POLR2D: variants seen among roughly 807,000 people sequenced by gnomAD.
POLR2D encodes DNA-directed RNA polymerase II subunit RPB4.
In POLR2D, 10 loss-of-function variants were observed where a neutral mutation model predicts 17.6. The observed-to-expected ratio is 0.57, with a 90% CI of 0.35 to 0.96. The LOEUF (loss-of-function observed/expected upper bound fraction) is 0.96. POLR2D is among the 40% of genes least tolerant of loss of function. POLR2D has a pLI of 0.02. For synonymous variants in POLR2D, 52 were observed against 60.2 expected (o/e 0.86, Z 0.63); for missense variants, 126 against 176.4 (o/e 0.71, Z 1.62).
intron 1 of POLR2D, chr2:127,856,895 G>C (rs906950663): frequency 1.3e-5 from 2 of 152,080 alleles, no homozygotes; most frequent in African/African-American, 4.8e-5. Flanking sequence ...AATTAGCCGG[G>C]TGTGGTGGTG....
In POLR2D at chr2:127,844,066, T is replaced by C. The variant is rs910348796; in HGVS notation, c.*4041A>G. 7.3e-6 allele frequency: 1 copy of C among 136,224 alleles called. No homozygotes were observed. The highest frequency in any genetic ancestry group is 2.9e-5 in the African/African-American group (1 of 34,784). The allele number at this position is 136,224 out of a possible 1,614,324, so 8.4% of individuals were successfully genotyped here. ...CTGCAGTGAACCTTAATCATGCCACTGCACTCCAGCCTGGGCGACAGAGCA... is the reference window on the plus strand; with the variant it reads ...CTGCAGTGAACCTTAATCATGCCACCGCACTCCAGCCTGGGCGACAGAGCA... On this transcript the variant is annotated 3_prime_UTR_variant, in exon 4 of 4. Transcript: ENST00000272645.
chr2:127,857,720 T>C (rs1690361754), intron 1 of POLR2D: 1 of 907,486 alleles, frequency 1.1e-6, no homozygotes, highest in Non-Finnish European at 1.4e-6. Flanking sequence ...GCTGGGCTCT[T>C]TTCCCTAGTG....
At chr2:127,850,552 A>T (rs1402399116) in intron 3 of POLR2D, 38 bp downstream of exon 3, 1 of 846,450 alleles carries the variant, frequency 1.2e-6, no homozygotes, top group South Asian at 1.5e-5. Flanking sequence ...GTAGGAATTT[A>T]TCCAGTATAC....
Position 127,855,802 on chromosome 2 carries a change from T to TACACACAC in POLR2D, c.73+2218_73+2225dup, listed in dbSNP as rs3836128. ...GTGAAGGCGCGCACACGCGCGCACA[T>TACACACAC]ACACACACACACACACACACAATTT... On this transcript the variant is annotated intron_variant, in intron 1 of 3. Transcript: ENST00000272645. Among the ~76,000 whole-genome samples, 49 of 151,310 alleles carry TACACACAC rather than the reference T, an allele frequency of 3.2e-4. No individual in the cohort carries two copies. In the East Asian group the frequency reaches 9.0e-3, roughly 28 times the overall value.
rs115408243 is a variant in POLR2D, at chr2:127,846,894, C to T, written c.*1213G>A. ...CTTCACATCCAGCCTGGGAAGTACA[C>T]AGGCGTCAAGGATGCTCATTTCAGA... On this transcript the variant is annotated 3_prime_UTR_variant, in exon 4 of 4. Transcript: ENST00000272645. 5.8e-3 allele frequency: 888 copies of T among 153,278 alleles called. 16 individuals carry two copies. The highest frequency in any genetic ancestry group is 0.02 in the African/African-American group (830 of 41,532). The allele number at this position is 153,278 out of a possible 1,614,324, so 9.5% of individuals were successfully genotyped here.
intron 1 of POLR2D, among the ~76,000 whole-genome samples, chr2:127,853,555 TTTTA>T (rs1348353637): frequency 6.7e-6 from 1 of 150,274 alleles, no homozygotes; most frequent in Non-Finnish European, 1.5e-5. Context: ...GATTTCGTTC[TTTTA>T]TTTTTTTTTT....
At chr2:127,856,370 A>C (rs1690330648) in intron 1 of POLR2D, among the ~76,000 whole-genome samples, 1 of 146,126 alleles carries the variant, frequency 6.8e-6, no homozygotes, top group Non-Finnish European at 1.5e-5. Context: ...TGGGTGGATC[A>C]CTTGAGGTCA....
chr2:127,844,275 CTG>C lies in POLR2D; in HGVS notation c.*3830_*3831del, dbSNP rs1690115641. ...ATCTTGCATTTGCCAGCCTCCAAAACTGTGAGAAATAAATTCCTATTATTTAT... is the reference window on the plus strand; with the variant it reads ...ATCTTGCATTTGCCAGCCTCCAAAACTGAGAAATAAATTCCTATTATTTAT... On this transcript the variant is annotated 3_prime_UTR_variant, in exon 4 of 4. Transcript: ENST00000272645. 1 of 152,236 alleles carries C rather than the reference CTG, an allele frequency of 6.6e-6. No homozygotes were observed. Among genetic ancestry groups the C allele is most frequent in the East Asian group, 1.9e-4 (1 of 5,180 alleles). The allele number at this position is 152,236 out of a possible 1,614,324, so 9.4% of individuals were successfully genotyped here.
At chr2:127,851,386 T>C (rs570940318) in intron 2 of POLR2D, among the ~76,000 whole-genome samples, 32 of 152,154 alleles carry the variant, frequency 2.1e-4, no homozygotes, top group African/African-American at 7.7e-4. Flanking sequence ...ACCACTACAC[T>C]CCAATCTGGG....
At chr2:127,850,406 C>T (rs1474730595) in intron 3 of POLR2D, among the ~76,000 whole-genome samples, 184 bp downstream of exon 3, 1 of 138,434 alleles carries the variant, frequency 7.2e-6, no homozygotes, top group Non-Finnish European at 1.5e-5. Flanking sequence ...CACCACTGCA[C>T]TCCAGCCTGG....
rs1323592573 is a variant in POLR2D at position 127,843,971 on chromosome 2, G to C, written c.*4136C>G. The C allele has an allele frequency of 6.5e-6, 1 of 153,394 alleles. No homozygotes were observed. Among genetic ancestry groups the C allele is most frequent in the African/African-American group, 2.4e-5 (1 of 41,360 alleles). The allele number at this position is 153,394 out of a possible 1,614,324, so 9.5% of individuals were successfully genotyped here. On this transcript the variant is annotated 3_prime_UTR_variant, in exon 4 of 4. Coordinates refer to ENST00000272645, the MANE Select transcript of POLR2D (RefSeq NM_004805.4). ...AAAAATAAATTAGCCAGGCATGGTA[G>C]CTCGTGCCTGTGGTCCCAGCTATCC...
At chr2:127,851,438 A>C (rs1690251628) in intron 2 of POLR2D, among the ~76,000 whole-genome samples, 1 of 151,618 alleles carries the variant, frequency 6.6e-6, no homozygotes, top group African/African-American at 2.4e-5. Flanking sequence ...AAACAAAACA[A>C]AAAAAAGGTA....
In POLR2D at chr2:127,843,599, G is replaced by A. The variant is rs1208145412; in HGVS notation, c.*4508C>T. The A allele has an allele frequency of 1.3e-5, 2 of 152,276 alleles. No individual in the cohort carries two copies. The highest frequency in any genetic ancestry group is 2.9e-5 in the Non-Finnish European group (2 of 68,026). The allele number at this position is 152,276 out of a possible 1,614,324, so 9.4% of individuals were successfully genotyped here. On this transcript the variant is annotated 3_prime_UTR_variant, in exon 4 of 4. Coordinates refer to ENST00000272645, the MANE Select transcript of POLR2D (RefSeq NM_004805.4). The stretch of plus-strand genomic sequence containing the variant: ...AACAGTATTACTAAGGCAACTCATC[G>A]ATGCTGAAGTCCCATCCAGTATGCT...
Position 127,852,637 on chromosome 2 carries a change from G to A in POLR2D, c.254+288C>T, listed in dbSNP as rs894957054. Among the ~76,000 whole-genome samples, 3 of 152,134 alleles carry A rather than the reference G, an allele frequency of 2.0e-5. No homozygotes were observed. Among genetic ancestry groups the A allele is most frequent in the Non-Finnish European group, 4.4e-5 (3 of 68,036 alleles). On this transcript the variant is annotated intron_variant, in intron 2 of 3. Coordinates refer to ENST00000272645, the MANE Select transcript of POLR2D (RefSeq NM_004805.4). The surrounding 1 kb of genome is among the most constrained non-coding windows in gnomAD (Gnocchi z 4.0). ...GCCTACAGATTCAAGCGATTCTCCC[G>A]CCTCGGCCTCCTGAGCAGCTAGGAT...
chr2:127,850,111 G>A (rs1348044572), intron 3 of POLR2D, among the ~76,000 whole-genome samples: 1 of 151,884 alleles, frequency 6.6e-6, no homozygotes, highest in Non-Finnish European at 1.5e-5. Flanking sequence ...CTATCACTTG[G>A]TGTGGTATAA....
chr2:127,857,805 C>T, intron 1 of POLR2D: 1 of 1,312,090 alleles, frequency 7.6e-7, no homozygotes. Context: ...GACACAGGTC[C>T]CCGGAACTTC....
At position 127,856,290 on chromosome 2, in the gene POLR2D, C is replaced by CAAAAAAAAA. The variant is rs61249327; in HGVS notation, c.73+1729_73+1737dup. ...TAGGTAGCAGAATGAGATCCCGTCTCAAAAAAAAAAAAAAAAAAAGGCAGG... is the reference window on the plus strand; with the variant it reads ...TAGGTAGCAGAATGAGATCCCGTCTCAAAAAAAAAAAAAAAAAAAAAAAAAAAAGGCAGG... On this transcript the variant is annotated intron_variant, in intron 1 of 3. Transcript: ENST00000272645. Among the ~76,000 whole-genome samples the CAAAAAAAAA allele has an allele frequency of 4.3e-3, 108 of 25,398 alleles. 27 individuals carry two copies. The South Asian group carries it at 0.046, about 11-fold the overall frequency. 16.7% of individuals were successfully genotyped at this position (25,398 alleles called of 152,430 possible). A position where few individuals can be genotyped will look rare whatever the true frequency, so the allele number is the denominator to read the frequency against.
At chr2:127,855,595 T>A (rs1303477847) in intron 1 of POLR2D, among the ~76,000 whole-genome samples, 2 of 152,170 alleles carry the variant, frequency 1.3e-5, no homozygotes, top group Non-Finnish European at 2.9e-5. Context: ...GCAGCCAAAC[T>A]GTAACTCAGA....
rs1402606422 is a variant in POLR2D at position 127,844,022 on chromosome 2, GGA to G, written c.*4083_*4084del. ...AAGAGGCTGAGGTGGGATGATCGCT[GGA>G]GAGTGGGAGATTGAGGCTGCAGTGA... On this transcript the variant is annotated 3_prime_UTR_variant, in exon 4 of 4. Coordinates refer to ENST00000272645, the MANE Select transcript of POLR2D (RefSeq NM_004805.4). 3 of 150,528 alleles carry G rather than the reference GGA, an allele frequency of 2.0e-5. No homozygotes were observed. Among genetic ancestry groups the G allele is most frequent in the African/African-American group, 7.4e-5 (3 of 40,440 alleles). The allele number at this position is 150,528 out of a possible 1,614,324, so 9.3% of individuals were successfully genotyped here.
Sources: gnomAD v4.1 joint callset for allele counts (sites outside exome capture counted in the v4.1 genomes callset) on GRCh38, gnomAD v4.1.1 for gene constraint, Gnocchi (gnomAD v3.1) non-coding constraint, MANE v1.5 for transcripts, NCBI Gene and HGNC (gene_info 2026-07-23, HGNC 2026-07-21) for gene names.